FAT3: variants seen among roughly 807,000 people sequenced by gnomAD.
FAT3 encodes the protein protocadherin Fat 3.
Under a neutral mutation model 310.2 loss-of-function variants are expected in FAT3, and 95 were observed. The observed-to-expected ratio is 0.31, with a 90% CI of 0.26 to 0.36. FAT3 has a LOEUF of 0.36. Ranked by LOEUF, FAT3 falls within the 10% of genes least tolerant of loss-of-function variation. FAT3 has a pLI of 1.00. For missense variants in FAT3, 5,408 were observed against 5,715.6 expected (o/e 0.95, Z 1.74); for synonymous variants, 2,314 against 2,192.9 (o/e 1.06, Z -1.54).
At chr11:92,777,440 C>A (rs2136124142) in intron 7 of FAT3, among the ~76,000 whole-genome samples, 1 of 152,238 alleles carries the variant, frequency 6.6e-6, no homozygotes, top group South Asian at 2.1e-4. Context: ...TCCTGAGATT[C>A]CTTAGGGTGA....
At chr11:92,747,132 ACTGCC>A (rs1565561179) in intron 4 of FAT3, among the ~76,000 whole-genome samples, 4 of 152,136 alleles carry the variant, frequency 2.6e-5, no homozygotes, top group African/African-American at 7.2e-5. Context: ...TTCCTTCTGA[ACTGCC>A]CTAGCAGAGG....
At chr11:92,436,504 C>G (rs1474595783) in intron 2 of FAT3, among the ~76,000 whole-genome samples, 1 of 152,126 alleles carries the variant, frequency 6.6e-6, no homozygotes, top group East Asian at 1.9e-4. Flanking sequence ...TGTTAAGGGA[C>G]AGGTTTCTAC....
intron 2 of FAT3, among the ~76,000 whole-genome samples, chr11:92,359,284 A>G (rs942960723): frequency 4.6e-5 from 7 of 152,170 alleles, no homozygotes; most frequent in African/African-American, 7.2e-5. Flanking sequence ...CATGTCTTAG[A>G]TAAATTTCTT....
chr11:92,889,908 C>T lies in FAT3; in HGVS notation c.13147+17C>T. 2 of 718,044 alleles carry T rather than the reference C, an allele frequency of 2.8e-6. No homozygotes were observed. The highest frequency in any genetic ancestry group is 2.6e-6 in the Non-Finnish European group (1 of 385,216). 44.5% of individuals were successfully genotyped at this position (718,044 alleles called of 1,614,324 possible). A position where few individuals can be genotyped will look rare whatever the true frequency, so the allele number is the denominator to read the frequency against. The stretch of plus-strand genomic sequence containing the variant: ...ACAACCGAGGTGACTGTGCCGCAAC[C>T]CTAGCATAACTTTTTGTGTGTTTGT... On this transcript the variant is annotated intron_variant, in intron 27 of 27. Coordinates refer to ENST00000525166, the MANE Select transcript of FAT3 (RefSeq NM_001367949.2).
chr11:92,757,807 G>A (rs1415854277), intron 4 of FAT3, among the ~76,000 whole-genome samples: 1 of 152,198 alleles, frequency 6.6e-6, no homozygotes, highest in Admixed American at 6.5e-5. Flanking sequence ...GTAGCTCACA[G>A]TGCACTGAAG....
At chr11:92,823,588 G>A (rs1351089113) in intron 13 of FAT3, among the ~76,000 whole-genome samples, 1 of 152,148 alleles carries the variant, frequency 6.6e-6, no homozygotes, top group African/African-American at 2.4e-5. Flanking sequence ...CCACAATCAT[G>A]TTGTTGCTCC....
intron 3 of FAT3, among the ~76,000 whole-genome samples, chr11:92,531,777 A>T (rs548298337): frequency 3.2e-4 from 49 of 151,482 alleles, no homozygotes; most frequent in Non-Finnish European, 5.7e-4. Context: ...TTTTTCATAT[A>T]CTTATTGTGA....
At chr11:92,679,917 G>C (rs1591600009) in intron 3 of FAT3, among the ~76,000 whole-genome samples, 1 of 131,846 alleles carries the variant, frequency 7.6e-6, no homozygotes, top group Non-Finnish European at 1.6e-5. Flanking sequence ...ATTTTCTTTT[G>C]AAAAATGTCT....
intron 2 of FAT3, among the ~76,000 whole-genome samples, chr11:92,414,786 G>A (rs1404941454): frequency 1.3e-5 from 2 of 152,258 alleles, no homozygotes; most frequent in African/African-American, 2.4e-5. Context: ...TGAGGCGGGC[G>A]GATCACGAGG....
In FAT3 at chr11:92,895,522, T is replaced by C. The variant is rs1460440637; in HGVS notation, c.*4409T>C. ...TCTCTTCTAGTGTTTAGAATGCACT[T>C]GAGAATCGTAGAGTCATTTGGAGCG... On this transcript the variant is annotated 3_prime_UTR_variant, in exon 28 of 28. Transcript: ENST00000525166. 4 of 152,208 alleles carry C rather than the reference T, an allele frequency of 2.6e-5. No homozygotes were observed. In the East Asian group the frequency reaches 7.7e-4, roughly 29 times the overall value. 9.4% of individuals were successfully genotyped at this position (152,208 alleles called of 1,614,324 possible). A position where few individuals can be genotyped will look rare whatever the true frequency, so the allele number is the denominator to read the frequency against.
At chr11:92,848,976 C>T (rs1166627231) in intron 19 of FAT3, among the ~76,000 whole-genome samples, 4 of 152,178 alleles carry the variant, frequency 2.6e-5, no homozygotes, top group Admixed American at 1.3e-4. Flanking sequence ...GTGCACGGAT[C>T]GAGGTACGGA....
At chr11:92,338,007 A>G (rs571249754) in intron 1 of FAT3, among the ~76,000 whole-genome samples, 5 of 152,326 alleles carry the variant, frequency 3.3e-5, no homozygotes, top group African/African-American at 4.8e-5. Flanking sequence ...GTTAAACACA[A>G]CAATAGAAAT....
chr11:92,849,165 A>G (rs192886126), intron 19 of FAT3, among the ~76,000 whole-genome samples: 2 of 152,364 alleles, frequency 1.3e-5, no homozygotes, highest in East Asian at 3.9e-4. Flanking sequence ...TCACAGAGCT[A>G]CAGAGCTAGT....
chr11:92,758,266 A>G (rs1181762319), intron 4 of FAT3, among the ~76,000 whole-genome samples: 1 of 152,216 alleles, frequency 6.6e-6, no homozygotes, highest in Non-Finnish European at 1.5e-5. Context: ...ACAAGCAAAT[A>G]GACACTTAAA....
At chr11:92,299,490 G>A (rs1447960423) in intron 1 of FAT3, among the ~76,000 whole-genome samples, 1 of 152,112 alleles carries the variant, frequency 6.6e-6, no homozygotes, top group East Asian at 1.9e-4. Context: ...TCTAATGTGT[G>A]CAGTATGTGT....
At position 92,801,474 on chromosome 11, in the gene FAT3, A is replaced by T. The variant is rs574916890; in HGVS notation, c.8461A>T (p.Thr2821Ser). 6 of 1,613,626 alleles carry T rather than the reference A, an allele frequency of 3.7e-6. No homozygotes were observed. In the South Asian group the frequency reaches 6.6e-5, roughly 18 times the overall value. ...KPVFETSSYD[T>S]IIMEGMPVGT... ...AGTCTTTGAAACTTCAAGCTATGAC[A>T]CCATTATAATGGAAGGGATGCCTGT... is the stretch of plus-strand genomic sequence containing the variant. The change falls in exon 10 of 28, where the codon ACC becomes TCC. Residue 2821 changes from threonine (T) to serine (S), a missense_variant. Transcript: ENST00000525166.
chr11:92,229,795 CTTT>C (rs375129999), intron 1 of FAT3, among the ~76,000 whole-genome samples: 5 of 107,916 alleles, frequency 4.6e-5, no homozygotes, highest in African/African-American at 1.4e-4. Flanking sequence ...GATTTTTTTT[CTTT>C]TTTTTTTTTT....
At position 92,831,713 on chromosome 11, in the gene FAT3, G is replaced by A. The variant is rs760693512; in HGVS notation, c.9573G>A (p.Gln3191=). The A allele has an allele frequency of 2.1e-5, 34 of 1,613,502 alleles. No homozygotes were observed. The highest frequency in any genetic ancestry group is 5.0e-5 in the Admixed American group (3 of 59,966). The change falls in exon 14 of 28, where the codon CAG becomes CAA. Residue 3191 remains glutamine (Q), a synonymous_variant. Transcript: ENST00000525166. ...DSSSGIIILE[Q]PLDREQQSSY... ...CATCTGGCATCATCATCCTGGAGCA[G>A]CCACTGGACCGTGAGCAGCAGTCTT...
chr11:92,611,873 G>T (rs181435004), intron 3 of FAT3, among the ~76,000 whole-genome samples: 67 of 152,290 alleles, frequency 4.4e-4, no homozygotes, highest in Admixed American at 4.3e-3. Flanking sequence ...TACTGTGGAA[G>T]AAAACTTGAC....
Sources: allele counts gnomAD v4.1 joint callset (sites outside exome capture counted in the v4.1 genomes callset), GRCh38; gene constraint gnomAD v4.1.1; transcripts MANE v1.5; gene names NCBI Gene and HGNC (gene_info 2026-07-23, HGNC 2026-07-21).